Variants in ATM observed in about 807,000 individuals in gnomAD.
ATM encodes the protein ATM serine/threonine kinase, also known as serine-protein kinase ATM.
Under a neutral mutation model 387.0 loss-of-function variants are expected in ATM, and 308 were observed. That is an observed-to-expected ratio of 0.80 (90% CI 0.73 to 0.87). The LOEUF is 0.87. Ranked by LOEUF, ATM falls within the 40% of genes least tolerant of loss-of-function variation. The pLI is 0.00. For missense variants in ATM, 3,312 were observed against 3,560.9 expected (o/e 0.93, Z 1.78); for synonymous variants, 1,156 against 1,187.3 (o/e 0.97, Z 0.54).
intron 22 of ATM, among the ~76,000 whole-genome samples, chr11:108,276,098 T>G (rs893265992): frequency 6.6e-6 from 1 of 152,218 alleles, no homozygotes; most frequent in Non-Finnish European, 1.5e-5. Context: ...CATGCTTTAT[T>G]TCATTAAGTT....
chr11:108,356,946 G>A (rs1389198052), intron 61 of ATM, among the ~76,000 whole-genome samples: 2 of 152,222 alleles, frequency 1.3e-5, no homozygotes, highest in African/African-American at 4.8e-5. Context: ...GAGGAGCCAA[G>A]ATGGCCGAAT....
intron 16 of ATM, among the ~76,000 whole-genome samples, chr11:108,262,634 T>G (rs2080969155): frequency 6.6e-6 from 1 of 152,028 alleles, no homozygotes; most frequent in African/African-American, 2.4e-5. Context: ...CACATAACAA[T>G]GTTAACTTTA....
chr11:108,309,204 C>G, intron 38 of ATM: 1 of 534,460 alleles, frequency 1.9e-6, no homozygotes, highest in Non-Finnish European at 3.3e-6. Flanking sequence ...AATAAAACAA[C>G]AACAACAAAA....
intron 17 of ATM, among the ~76,000 whole-genome samples, chr11:108,268,164 T>G (rs2081365549): frequency 6.6e-6 from 1 of 152,202 alleles, no homozygotes; most frequent in Non-Finnish European, 1.5e-5. Flanking sequence ...TTTCCTACAA[T>G]AAACATTATT....
intron 35 of ATM, among the ~76,000 whole-genome samples, chr11:108,302,260 A>C (rs1484351264): frequency 1.3e-5 from 2 of 152,124 alleles, no homozygotes; most frequent in African/African-American, 2.4e-5. Flanking sequence ...TCTGTGAAGC[A>C]TGTTTAAGAA....
intron 8 of ATM, among the ~76,000 whole-genome samples, chr11:108,247,798 A>G (rs965926915): frequency 1.3e-5 from 2 of 151,344 alleles, no homozygotes; most frequent in South Asian, 2.1e-4. Flanking sequence ...GTTTCACCAT[A>G]TTGGCCAGCC....
At chr11:108,261,843 C>G (rs972718222) in intron 16 of ATM, among the ~76,000 whole-genome samples, 13 of 152,084 alleles carry the variant, frequency 8.5e-5, no homozygotes, top group African/African-American at 2.9e-4. Context: ...AATGCAGAAG[C>G]CTCAGGAGCC....
intron 6 of ATM, 116 bp downstream of exon 6, chr11:108,244,234 A>G (rs1481880773): frequency 1.6e-6 from 2 of 1,212,414 alleles, no homozygotes; most frequent in African/African-American, 1.5e-5. Flanking sequence ...GATCCATCAT[A>G]ACAGAACTAG....
In ATM at chr11:108,282,704, G is replaced by T. The variant is rs56006345; in HGVS notation, c.3577-6G>T. ...TCTTAACACATTGACTTTTTGGTTC[G>T]TGCAGGTTTTAGAGAAAGTTTCTGA... is the stretch of plus-strand genomic sequence containing the variant. On this transcript the variant is annotated splice_region_variant and splice_polypyrimidine_tract_variant and intron_variant, in intron 24 of 62. Transcript: ENST00000675843. 6.2e-7 allele frequency: 1 copy of T among 1,611,828 alleles called. No homozygotes were observed. The highest frequency in any genetic ancestry group is 8.5e-7 in the Non-Finnish European group (1 of 1,179,050).
intron 44 of ATM, 58 bp from the exon 45 acceptor site, chr11:108,321,243 T>G: frequency 6.2e-7 from 1 of 1,606,094 alleles, no homozygotes; most frequent in South Asian, 1.1e-5. Flanking sequence ...ATTTAAACAT[T>G]TATTTCCCTG....
At chr11:108,261,383 C>T (rs1231464265) in intron 16 of ATM, among the ~76,000 whole-genome samples, 1 of 152,178 alleles carries the variant, frequency 6.6e-6, no homozygotes, top group Non-Finnish European at 1.5e-5. Context: ...ACTGACACCT[C>T]ACATGGCAGG....
At chr11:108,299,579 G>C in intron 33 of ATM, 135 bp from the exon 34 acceptor site, 1 of 861,132 alleles carries the variant, frequency 1.2e-6, no homozygotes, top group East Asian at 2.6e-5. Flanking sequence ...TTACAGTCGT[G>C]AGCCACCGCA....
intron 40 of ATM, among the ~76,000 whole-genome samples, chr11:108,313,346 C>T (rs192504182): frequency 6.6e-6 from 1 of 151,888 alleles, no homozygotes; most frequent in Non-Finnish European, 1.5e-5. Flanking sequence ...TTAGGTATCA[C>T]CCTCTCTCTT....
intron 57 of ATM, among the ~76,000 whole-genome samples, chr11:108,343,689 G>A (rs924682910): frequency 6.6e-6 from 1 of 152,138 alleles, no homozygotes; most frequent in African/African-American, 2.4e-5. Flanking sequence ...GCATGCACCT[G>A]TAATCCCAGC....
rs1435965202 is a variant in ATM, at chr11:108,244,668, C to A, written c.663-120C>A. The A allele has an allele frequency of 9.8e-6, 8 of 817,732 alleles. No homozygotes were observed. In the East Asian group the frequency reaches 1.9e-4, roughly 20 times the overall value. 50.7% of individuals were successfully genotyped at this position (817,732 alleles called of 1,614,324 possible). Reference sequence around the variant, plus strand: ...TTAATGAATAGTTTTGAAATTAAGACTACTGTTTGAAAATTAGGGTTTTGT... The same window carrying A: ...TTAATGAATAGTTTTGAAATTAAGAATACTGTTTGAAAATTAGGGTTTTGT... On this transcript the variant is annotated intron_variant, in intron 6 of 62. Coordinates refer to ENST00000675843, the MANE Select transcript of ATM (RefSeq NM_000051.4).
In ATM at chr11:108,365,437, T is replaced by C. The variant is rs2091251592; in HGVS notation, c.9100T>C (p.Leu3034=). ...GCTCAGTGTTGGTGGACAAGTGAATTTGCTCATACAGCAGGCCATAGACCC... is the reference window on the plus strand; with the variant it reads ...GCTCAGTGTTGGTGGACAAGTGAATCTGCTCATACAGCAGGCCATAGACCC... ...TVLSVGGQVN[L]LIQQAIDPKN... Residue 3034 remains leucine (L), a synonymous_variant, in exon 63 of 63, where the codon TTG becomes CTG. Coordinates refer to ENST00000675843, the MANE Select transcript of ATM (RefSeq NM_000051.4). The C allele has an allele frequency of 1.2e-6, 2 of 1,614,160 alleles. No individual in the cohort carries two copies. The highest frequency in any genetic ancestry group is 2.2e-5 in the East Asian group (1 of 44,888).
chr11:108,263,909 C>CCTGG (rs1332568836), intron 16 of ATM, among the ~76,000 whole-genome samples: 2 of 150,086 alleles, frequency 1.3e-5, no homozygotes, highest in African/African-American at 4.9e-5. Flanking sequence ...TGGACACATA[C>CCTGG]ACTCTCCCAA....
intron 57 of ATM, 129 bp downstream of exon 57, chr11:108,343,500 A>G: frequency 4.4e-6 from 5 of 1,135,634 alleles, no homozygotes; most frequent in Non-Finnish European, 5.0e-6. Context: ...GATACTAAGT[A>G]AAAGAAAAAC....
intron 58 of ATM, among the ~76,000 whole-genome samples, chr11:108,346,195 CCT>C (rs1442539111): frequency 6.6e-6 from 1 of 151,996 alleles, no homozygotes; most frequent in Non-Finnish European, 1.5e-5. Flanking sequence ...TATTTTCTCT[CCT>C]CTCAATATAT....
Sources: allele counts gnomAD v4.1 joint callset (sites outside exome capture counted in the v4.1 genomes callset), GRCh38; gene constraint gnomAD v4.1.1; transcripts MANE v1.5; gene names NCBI Gene and HGNC (gene_info 2026-07-23, HGNC 2026-07-21).